PARD3B: variants seen among roughly 807,000 people sequenced by gnomAD.
PARD3B encodes partitioning defective 3 homolog B.
PARD3B carries 103 observed loss-of-function variants against 130.2 expected under a neutral mutation model. The observed-to-expected ratio is 0.79, with a 90% CI of 0.67 to 0.93. The LOEUF is 0.93. Ranked by LOEUF, PARD3B falls within the 40% of genes least tolerant of loss-of-function variation. The probability of loss-of-function intolerance (pLI) is 0.00; values close to 1 mark genes in which losing one functional copy is unlikely to be tolerated. For missense variants in PARD3B, 1,609 were observed against 1,499.2 expected, an observed-to-expected ratio of 1.07 and a Z score of -1.21; for synonymous variants, 583 against 553.2, an observed-to-expected ratio of 1.05 and a Z score of -0.76.
intron 16 of PARD3B, among the ~76,000 whole-genome samples, chr2:205,264,336 T>A (rs2040423656): frequency 6.6e-6 from 1 of 151,110 alleles, no homozygotes; most frequent in African/African-American, 2.4e-5. Context: ...AAGCCTAAGA[T>A]GAAGGCAAAG....
chr2:205,588,296 T>C (rs2054267919), intron 22 of PARD3B, among the ~76,000 whole-genome samples: 1 of 152,196 alleles, frequency 6.6e-6, no homozygotes, highest in Non-Finnish European at 1.5e-5. Context: ...CATAAAGCAA[T>C]AGAAAATCAT....
chr2:205,218,843 G>A lies in PARD3B; in HGVS notation c.2140+25523G>A, dbSNP rs548523223. ...GGCTGTAATCCAAGCACTTTGGGAGGCTGAAGTGGGCAGATCACCTGAGGT... is the reference window on the plus strand; with the variant it reads ...GGCTGTAATCCAAGCACTTTGGGAGACTGAAGTGGGCAGATCACCTGAGGT... On this transcript the variant is annotated intron_variant, in intron 15 of 22. Coordinates refer to ENST00000406610, the MANE Select transcript of PARD3B (RefSeq NM_001302769.2). Among the ~76,000 whole-genome samples, 6 of 152,242 alleles carry A rather than the reference G, an allele frequency of 3.9e-5. No homozygotes were observed. The South Asian group carries it at 1.2e-3, about 32-fold the overall frequency.
intron 2 of PARD3B, among the ~76,000 whole-genome samples, chr2:204,811,767 G>C (rs190745753): frequency 3.4e-4 from 52 of 152,108 alleles, no homozygotes; most frequent in African/African-American, 1.2e-3. Flanking sequence ...AGCTTTAGCA[G>C]GTTGGGGAAA....
intron 16 of PARD3B, among the ~76,000 whole-genome samples, chr2:205,298,055 C>T (rs916124713): frequency 1.3e-4 from 20 of 152,250 alleles, no homozygotes; most frequent in South Asian, 4.1e-4. Context: ...CTATCTTGGA[C>T]GATTTATTCA....
intron 4 of PARD3B, among the ~76,000 whole-genome samples, chr2:205,080,717 A>G (rs1260623545): frequency 6.6e-6 from 1 of 152,132 alleles, no homozygotes; most frequent in African/African-American, 2.4e-5. Flanking sequence ...CCAGTTTTCA[A>G]ATAGCTATAC....
chr2:205,229,775 G>A lies in PARD3B; in HGVS notation c.2141-16003G>A, dbSNP rs2038740202. 6.6e-6 allele frequency among the ~76,000 whole-genome samples: 1 copy of A among 152,090 alleles called. No homozygotes were observed. The highest frequency in any genetic ancestry group is 2.4e-5 in the African/African-American group (1 of 41,426). ...CAGCAAGGTCCCCCTGGCCTCGAGT[G>A]AGTCCACAGATGCCGTCCAGGAGCC... On this transcript the variant is annotated intron_variant, in intron 15 of 22. Transcript: ENST00000406610. This position sits in a 1 kb window ranked among gnomAD's most constrained non-coding sequence, Gnocchi z 5.2.
chr2:204,658,637 T>C (rs1362495016), intron 1 of PARD3B, among the ~76,000 whole-genome samples: 4 of 152,160 alleles, frequency 2.6e-5, no homozygotes, highest in Non-Finnish European at 1.5e-5. Flanking sequence ...TTTTTTCTTT[T>C]CCAAACCTTG....
intron 18 of PARD3B, among the ~76,000 whole-genome samples, chr2:205,358,202 T>C (rs569716858): frequency 1.3e-5 from 2 of 152,320 alleles, no homozygotes; most frequent in East Asian, 3.9e-4. Context: ...ACGTGCTTTC[T>C]TGTCCAATCA....
rs564381781 is a variant in PARD3B, at chr2:204,802,779, G to A, written c.222+116497G>A. ...CACCGCATATTCTCACTCATAAGTG[G>A]CAGTTGAACAATGAGAACATATGGA... On this transcript the variant is annotated intron_variant, in intron 2 of 22. Coordinates refer to ENST00000406610, the MANE Select transcript of PARD3B (RefSeq NM_001302769.2). Among the ~76,000 whole-genome samples the A allele has an allele frequency of 1.5e-3, 230 of 152,146 alleles. 1 individual carries two copies. The highest frequency in any genetic ancestry group is 0.014 in the South Asian group (69 of 4,814).
At chr2:205,552,944 G>A (rs1005901483) in intron 21 of PARD3B, among the ~76,000 whole-genome samples, 6 of 152,168 alleles carry the variant, frequency 3.9e-5, no homozygotes, top group Non-Finnish European at 7.3e-5. Context: ...GGTACAGGAT[G>A]TATGGGAAGT....
chr2:205,604,484 C>A (rs1043341899), intron 22 of PARD3B, among the ~76,000 whole-genome samples: 4 of 152,198 alleles, frequency 2.6e-5, no homozygotes, highest in Admixed American at 2.0e-4. Flanking sequence ...TTACCTCCTA[C>A]TGGGTCCCTC....
chr2:204,695,410 C>G (rs937716323), intron 2 of PARD3B, among the ~76,000 whole-genome samples: 1 of 151,992 alleles, frequency 6.6e-6, no homozygotes, highest in Non-Finnish European at 1.5e-5. Context: ...GTGTCAGTCA[C>G]CAGTACCTGT....
intron 2 of PARD3B, among the ~76,000 whole-genome samples, chr2:204,732,567 C>A (rs1298888591): frequency 4.0e-5 from 6 of 148,518 alleles, no homozygotes; most frequent in Non-Finnish European, 8.9e-5. Flanking sequence ...TGCAGTGGTG[C>A]AATCTCAGCT....
intron 2 of PARD3B, among the ~76,000 whole-genome samples, chr2:204,735,106 G>T (rs1456354324): frequency 2.0e-5 from 3 of 150,548 alleles, no homozygotes; most frequent in African/African-American, 5.0e-5. Flanking sequence ...GTGGTTGTCA[G>T]TGACAACCAC....
intron 22 of PARD3B, among the ~76,000 whole-genome samples, chr2:205,559,916 C>A (rs935831582): frequency 7.2e-5 from 11 of 152,104 alleles, no homozygotes; most frequent in African/African-American, 2.7e-4. Flanking sequence ...CTAAATAGTT[C>A]ATCCCTAGTG....
chr2:205,198,226 A>T (rs148139295), intron 15 of PARD3B, among the ~76,000 whole-genome samples: 2,960 of 152,282 alleles, frequency 0.019, 41 homozygotes, highest in Non-Finnish European at 0.03. Context: ...GGTGTTCTAT[A>T]ACACAGTTTG....
At chr2:205,328,011 A>C (rs1297417938) in intron 18 of PARD3B, among the ~76,000 whole-genome samples, 1 of 152,114 alleles carries the variant, frequency 6.6e-6, no homozygotes, top group Non-Finnish European at 1.5e-5. Flanking sequence ...ACGTATAGGG[A>C]TCAAGCACTC....
At chr2:205,596,498 G>T (rs1193305336) in intron 22 of PARD3B, among the ~76,000 whole-genome samples, 1 of 152,184 alleles carries the variant, frequency 6.6e-6, no homozygotes, top group Non-Finnish European at 1.5e-5. Context: ...CCAGCTTGGG[G>T]CTTTGGAACC....
intron 1 of PARD3B, among the ~76,000 whole-genome samples, chr2:204,578,433 T>A (rs1230130078): frequency 1.3e-5 from 2 of 152,116 alleles, no homozygotes; most frequent in Non-Finnish European, 2.9e-5. Flanking sequence ...TGGGCATCGG[T>A]GTGGTGAATA....
Sources: allele counts gnomAD v4.1 joint callset (sites outside exome capture counted in the v4.1 genomes callset), GRCh38; gene constraint gnomAD v4.1.1; non-coding constraint Gnocchi (gnomAD v3.1); transcripts MANE v1.5; gene names NCBI Gene and HGNC (gene_info 2026-07-23, HGNC 2026-07-21).